PCDHA11: variants seen among roughly 807,000 people sequenced by gnomAD.
The protein encoded by PCDHA11 is protocadherin alpha-11.
In PCDHA11, 61 loss-of-function variants were observed where a neutral mutation model predicts 70.3. The observed-to-expected ratio is 0.87, with a 90% CI of 0.71 to 1.07. The LOEUF (loss-of-function observed/expected upper bound fraction) is 1.07. PCDHA11 is among the 50% of genes least tolerant of loss of function. The pLI is 0.00. For synonymous variants in PCDHA11, 633 were observed against 555.1 expected (o/e 1.14, Z -1.97); for missense variants, 1,324 against 1,237.5 (o/e 1.07, Z -1.05).
At chr5:140,887,157 C>T (rs1200573671) in intron 1 of PCDHA11, among the ~76,000 whole-genome samples, 4 of 151,110 alleles carry the variant, frequency 2.6e-5, no homozygotes, top group African/African-American at 9.7e-5. Flanking sequence ...AGTACAGTGG[C>T]GTGATCTCGG....
intron 1 of PCDHA11, among the ~76,000 whole-genome samples, chr5:140,919,085 T>C (rs2078998041): frequency 1.3e-5 from 2 of 152,368 alleles, no homozygotes; most frequent in East Asian, 3.9e-4. Context: ...GACTATTGAA[T>C]TGTCTATTTC....
intron 3 of PCDHA11, among the ~76,000 whole-genome samples, chr5:140,984,610 G>A (rs2097110934): frequency 6.6e-6 from 1 of 152,188 alleles, no homozygotes; most frequent in African/African-American, 2.4e-5. Flanking sequence ...CTCTGCATCA[G>A]TGGTGTAAAG....
intron 1 of PCDHA11, chr5:140,929,479 A>G (rs2086187931): frequency 4.2e-6 from 5 of 1,193,216 alleles, no homozygotes; most frequent in Admixed American, 3.2e-5. Context: ...CTGGAAGTAT[A>G]GAAGTATTAG....
rs1214693088 is a variant in PCDHA11, at chr5:140,904,196, C to T, written c.2391+32702C>T. Among the ~76,000 whole-genome samples the T allele has an allele frequency of 1.1e-4, 17 of 152,034 alleles. No homozygotes were observed. In the East Asian group the frequency reaches 3.3e-3, roughly 29 times the overall value. On this transcript the variant is annotated intron_variant, in intron 1 of 3. Transcript: ENST00000398640. ...TTCCTCACCCCCTTCCCACCCTTTC[C>T]CCCTAAGTCCCCAAAGTCCATTGTA... is the stretch of plus-strand genomic sequence containing the variant.
At chr5:140,871,532 T>G in intron 1 of PCDHA11, 38 bp downstream of exon 1, 1 of 1,515,318 alleles carries the variant, frequency 6.6e-7, no homozygotes, top group Non-Finnish European at 8.8e-7. Flanking sequence ...AGGAAGTGTA[T>G]GTGAAATTAT....
chr5:140,965,690 T>G (rs1203632136), intron 1 of PCDHA11, among the ~76,000 whole-genome samples: 2 of 152,172 alleles, frequency 1.3e-5, no homozygotes, highest in Admixed American at 1.3e-4. Context: ...TGAAGCAAGA[T>G]TAGAAAAAGC....
At chr5:140,887,263 A>AT (rs1336620900) in intron 1 of PCDHA11, among the ~76,000 whole-genome samples, 1 of 151,790 alleles carries the variant, frequency 6.6e-6, no homozygotes, top group Non-Finnish European at 1.5e-5. Flanking sequence ...CGCCCTGCTA[A>AT]TTTTTTGTAT....
chr5:140,879,479 G>A (rs992823540), intron 1 of PCDHA11, among the ~76,000 whole-genome samples: 10 of 152,196 alleles, frequency 6.6e-5, no homozygotes, highest in Non-Finnish European at 1.3e-4. Context: ...GTTGTGATTG[G>A]AAATATGGGT....
rs114567887 is a variant in PCDHA11, at chr5:140,974,104, T to G, written c.2392-4845T>G. The stretch of plus-strand genomic sequence containing the variant: ...GACTTCAAAAATCAAAGGTTAAAAG[T>G]ATTCTTTTGCAGTGTTTTAAATCTG... On this transcript the variant is annotated intron_variant, in intron 1 of 3. Coordinates refer to ENST00000398640, the MANE Select transcript of PCDHA11 (RefSeq NM_018902.5). Among the ~76,000 whole-genome samples, 1,327 of 152,364 alleles carry G rather than the reference T, an allele frequency of 8.7e-3. 24 individuals carry two copies. Among genetic ancestry groups the G allele is most frequent in the African/African-American group, 0.03 (1,240 of 41,584 alleles).
intron 1 of PCDHA11, among the ~76,000 whole-genome samples, chr5:140,874,556 C>T (rs1194980368): frequency 3.3e-5 from 5 of 152,178 alleles, no homozygotes; most frequent in African/African-American, 4.8e-5. Flanking sequence ...AGAGATCTTT[C>T]GCATTTTAGT....
intron 1 of PCDHA11, among the ~76,000 whole-genome samples, chr5:140,913,117 G>T (rs1055437222): frequency 1.3e-5 from 2 of 152,144 alleles, no homozygotes; most frequent in Non-Finnish European, 2.9e-5. Flanking sequence ...CAGTTTGGAA[G>T]TTAACCCCTC....
At position 140,883,904 on chromosome 5, in the gene PCDHA11, G is replaced by A. The variant is rs146827381; in HGVS notation, c.2391+12410G>A. 7,677 of 1,613,344 alleles carry A rather than the reference G, an allele frequency of 4.8e-3. 19 individuals are homozygous for A. The highest frequency in any genetic ancestry group is 5.8e-3 in the Non-Finnish European group (6,886 of 1,179,828). On this transcript the variant is annotated intron_variant, in intron 1 of 3. Transcript: ENST00000398640. ...GCGCGACTCTGGCGTGCCGCCTCTG[G>A]GCAGCAACGTGACGCTGCAGGTGTT... is the stretch of plus-strand genomic sequence containing the variant.
At chr5:140,980,607 C>T (rs1471918192) in intron 2 of PCDHA11, among the ~76,000 whole-genome samples, 5 of 151,334 alleles carry the variant, frequency 3.3e-5, no homozygotes, top group Non-Finnish European at 7.4e-5. Context: ...TCCAGCCTGG[C>T]GACAGTGCGA....
At chr5:140,966,971 C>G (rs375161984) in intron 1 of PCDHA11, 1 of 1,602,808 alleles carries the variant, frequency 6.2e-7, no homozygotes, top group Non-Finnish European at 8.5e-7. Flanking sequence ...GGGGCTTGAG[C>G]TGCGGCGCTT....
chr5:140,929,330 G>T, intron 1 of PCDHA11: 1 of 1,535,218 alleles, frequency 6.5e-7, no homozygotes. Context: ...GCCATGGTAA[G>T]CAAATTTTAT....
At chr5:140,891,358 G>A (rs1002422244) in intron 1 of PCDHA11, among the ~76,000 whole-genome samples, 1 of 152,044 alleles carries the variant, frequency 6.6e-6, no homozygotes. Flanking sequence ...TCCATCACCT[G>A]AGCAGTATAC....
intron 3 of PCDHA11, among the ~76,000 whole-genome samples, chr5:141,002,059 G>T (rs983772482): frequency 6.6e-6 from 1 of 152,242 alleles, no homozygotes; most frequent in East Asian, 1.9e-4. Flanking sequence ...AGAGGCAGCA[G>T]CAGCCGCCAG....
At chr5:140,943,650 C>A (rs2093540673) in intron 1 of PCDHA11, among the ~76,000 whole-genome samples, 1 of 151,974 alleles carries the variant, frequency 6.6e-6, no homozygotes, top group African/African-American at 2.4e-5. Flanking sequence ...ATAAAACCAT[C>A]TATGAACAAT....
At chr5:140,895,339 T>C (rs1331642230) in intron 1 of PCDHA11, among the ~76,000 whole-genome samples, 3 of 152,196 alleles carry the variant, frequency 2.0e-5, no homozygotes, top group African/African-American at 4.8e-5. Context: ...ATTGTTTTAC[T>C]ATGCTTTCCA....
Sources: allele counts gnomAD v4.1 joint callset (sites outside exome capture counted in the v4.1 genomes callset), GRCh38; gene constraint gnomAD v4.1.1; transcripts MANE v1.5; gene names NCBI Gene and HGNC (gene_info 2026-07-23, HGNC 2026-07-21).